MEGF6: variants seen among roughly 807,000 people sequenced by gnomAD.
The protein encoded by MEGF6 is multiple EGF like domains 6, also known as multiple epidermal growth factor-like domains protein 6.
In MEGF6, 184 loss-of-function variants were observed where a neutral mutation model predicts 207.1. That is an observed-to-expected ratio of 0.89 (90% confidence interval 0.79 to 1.00). The LOEUF (loss-of-function observed/expected upper bound fraction) is 1.00. Ranked by LOEUF, MEGF6 falls within the 50% of genes least tolerant of loss-of-function variation. MEGF6 has a pLI of 0.00. For synonymous variants in MEGF6, 1,038 were observed against 910.0 expected, an observed-to-expected ratio of 1.14 and a Z score of -2.53; for missense variants, 2,282 against 2,202.9, an observed-to-expected ratio of 1.04 and a Z score of -0.72.
the MEGF6 span, among the ~76,000 whole-genome samples, chr1:3,623,760 G>A: frequency 6.6e-6 from 1 of 152,228 alleles, no homozygotes; most frequent in African/African-American, 2.4e-5. Flanking sequence ...AAGTGGGGCA[G>A]AATCCCTGCA....
chr1:3,576,111 T>G (rs1198771829), intron 4 of MEGF6, among the ~76,000 whole-genome samples: 1 of 152,238 alleles, frequency 6.6e-6, no homozygotes, highest in East Asian at 1.9e-4. Flanking sequence ...CGGCTGGCCC[T>G]GACTGTGACT....
At chr1:3,620,700 T>C in the MEGF6 span, among the ~76,000 whole-genome samples, 1 of 152,094 alleles carries the variant, frequency 6.6e-6, no homozygotes, top group Non-Finnish European at 1.5e-5. Context: ...TGTGCAGAGA[T>C]GAGAGATCGT....
rs543451113 is a variant in MEGF6, at chr1:3,565,835, G to A, written c.481+13990C>T. On this transcript the variant is annotated intron_variant, in intron 4 of 36. Coordinates refer to ENST00000356575, the MANE Select transcript of MEGF6 (RefSeq NM_001409.4). The surrounding 1 kb of genome is among the most constrained non-coding windows in gnomAD (Gnocchi z 4.8). ...TTCCAACTCTGCTCCAGCCACGCTC[G>A]GCATTCCGTCCAGGGCAGGCACTGT... Among the ~76,000 whole-genome samples the A allele has an allele frequency of 7.2e-5, 11 of 152,264 alleles. No individual in the cohort carries two copies. Among genetic ancestry groups the A allele is most frequent in the East Asian group, 3.9e-4 (2 of 5,178 alleles).
At chr1:3,539,789 T>G (rs1431382661) in intron 4 of MEGF6, among the ~76,000 whole-genome samples, 6 of 152,170 alleles carry the variant, frequency 3.9e-5, no homozygotes, top group Non-Finnish European at 7.4e-5. Context: ...CTGGTCACCT[T>G]CCCAGGCCCA....
At chr1:3,525,450 G>A (rs941605913) in intron 4 of MEGF6, among the ~76,000 whole-genome samples, 4 of 152,256 alleles carry the variant, frequency 2.6e-5, no homozygotes, top group African/African-American at 9.6e-5. Flanking sequence ...CAGAGCAGCA[G>A]TCCAAGGCCA....
intron 20 of MEGF6, 78 bp from the exon 21 acceptor site, chr1:3,500,842 C>A: frequency 6.3e-7 from 1 of 1,591,668 alleles, no homozygotes; most frequent in Non-Finnish European, 8.6e-7. Context: ...GGCACAGGGG[C>A]GTCTCAGGAC....
chr1:3,516,107 G>A (rs556163828), intron 5 of MEGF6, among the ~76,000 whole-genome samples: 11 of 152,322 alleles, frequency 7.2e-5, no homozygotes, highest in African/African-American at 2.6e-4. Context: ...CACACCTCAC[G>A]CCTGTCCCCA....
upstream of MEGF6, among the ~76,000 whole-genome samples, chr1:3,615,701 G>A (rs762763935): frequency 5.3e-5 from 8 of 152,226 alleles, no homozygotes; most frequent in Non-Finnish European, 1.2e-4. Context: ...ACAGCACCTG[G>A]CATGGAAGCC....
Position 3,496,686 on chromosome 1 carries a change from G to C in MEGF6, c.3711C>G (p.Pro1237=), listed in dbSNP as rs762449010. ...TGCAGTCCGTCCCGAGGAACCCAGT[G>C]GGGCAGCGGCAGGCCCCCGTGGCCG... is the stretch of plus-strand genomic sequence containing the variant. ...CDAATGACRC[P]TGFLGTDCNL... is the part of the protein sequence containing the mutation. Residue 1237 remains proline (P), a synonymous_variant, in exon 29 of 37, where the codon CCC becomes CCG. Transcript: ENST00000356575. 6.4e-7 allele frequency: 1 copy of C among 1,568,020 alleles called. No individual in the cohort carries two copies. Among genetic ancestry groups the C allele is most frequent in the South Asian group, 1.2e-5 (1 of 85,550 alleles).
chr1:3,536,381 G>T (rs1323770124), intron 4 of MEGF6, among the ~76,000 whole-genome samples: 1 of 152,218 alleles, frequency 6.6e-6, no homozygotes, highest in Non-Finnish European at 1.5e-5. Context: ...GTCCGTCCAG[G>T]TCCCCACAAC....
At chr1:3,498,600 A>C in intron 25 of MEGF6, 98 bp downstream of exon 25, 1 of 1,483,596 alleles carries the variant, frequency 6.7e-7, no homozygotes, top group Non-Finnish European at 9.0e-7. Flanking sequence ...CCTACACCCC[A>C]GGGCGCTGCC....
chr1:3,531,041 T>C (rs920628402), intron 4 of MEGF6: 46 of 1,456,996 alleles, frequency 3.2e-5, no homozygotes, highest in Admixed American at 8.7e-5. Context: ...GGGAGCGCCC[T>C]GGCCCCGCCC....
intron 4 of MEGF6, among the ~76,000 whole-genome samples, chr1:3,575,817 G>A (rs1643626641): frequency 6.6e-6 from 1 of 152,188 alleles, no homozygotes; most frequent in Non-Finnish European, 1.5e-5. Context: ...GGACATACAA[G>A]ATGAGATTTC....
rs575009074 is a variant in MEGF6, at chr1:3,562,353, T to C, written c.481+17472A>G. Among the ~76,000 whole-genome samples the C allele has an allele frequency of 2.0e-5, 3 of 152,368 alleles. No homozygotes were observed. In the South Asian group the frequency reaches 6.2e-4, roughly 32 times the overall value. Reference sequence around the variant, plus strand: ...ATATCTGTTTCTCTGTCTCTTTGTCTGTCTCTCCATCTCTCTTTGTGTCTC... The same window carrying C: ...ATATCTGTTTCTCTGTCTCTTTGTCCGTCTCTCCATCTCTCTTTGTGTCTC... On this transcript the variant is annotated intron_variant, in intron 4 of 36. Transcript: ENST00000356575.
intron 11 of MEGF6, 96 bp downstream of exon 11, chr1:3,509,774 T>G: frequency 2.1e-6 from 3 of 1,408,232 alleles, no homozygotes; most frequent in Non-Finnish European, 2.8e-6. Flanking sequence ...CCCAGGCAGG[T>G]GGGGGTGGGG....
At chr1:3,589,970 T>C (rs776998022) in intron 3 of MEGF6, among the ~76,000 whole-genome samples, 2 of 152,226 alleles carry the variant, frequency 1.3e-5, no homozygotes, top group African/African-American at 4.8e-5. Context: ...TAGGAAGCGC[T>C]TACTGGACCA....
At position 3,488,526 on chromosome 1, in the gene MEGF6, C is replaced by T. The variant is rs928948667; in HGVS notation, c.*2002G>A. ...GCTTCTTTCTCTTCTGGCTGGAGAA[C>T]GTCTCTAAGAGCATTTTAAAATCAG... On this transcript the variant is annotated 3_prime_UTR_variant, in exon 37 of 37. Transcript: ENST00000356575. 1.5e-4 allele frequency among the ~76,000 whole-genome samples: 23 copies of T among 152,316 alleles called. No individual in the cohort carries two copies. The highest frequency in any genetic ancestry group is 2.9e-4 in the African/African-American group (12 of 41,578).
intron 4 of MEGF6, among the ~76,000 whole-genome samples, chr1:3,544,817 C>T (rs990180226): frequency 6.6e-6 from 1 of 152,202 alleles, no homozygotes; most frequent in South Asian, 2.1e-4. Flanking sequence ...GGGAGACAAG[C>T]GGGCTTGGGC....
chr1:3,519,981 T>A (rs1453846267), intron 5 of MEGF6, among the ~76,000 whole-genome samples: 1 of 152,182 alleles, frequency 6.6e-6, no homozygotes, highest in Non-Finnish European at 1.5e-5. Flanking sequence ...AGGGAGGGGA[T>A]GGCCAGGCCA....
Sources: allele counts gnomAD v4.1 joint callset (sites outside exome capture counted in the v4.1 genomes callset), GRCh38; gene constraint gnomAD v4.1.1; non-coding constraint Gnocchi (gnomAD v3.1); transcripts MANE v1.5; gene names NCBI Gene and HGNC (gene_info 2026-07-23, HGNC 2026-07-21).